ZDHHC13: variants seen among roughly 807,000 people sequenced by gnomAD.
ZDHHC13 encodes the protein zDHHC palmitoyltransferase 13.
A neutral mutation model predicts 86.0 loss-of-function variants in ZDHHC13; 85 were observed. That is an observed-to-expected ratio of 0.99 (90% CI 0.83 to 1.18). The LOEUF (loss-of-function observed/expected upper bound fraction) is 1.18. Ranked by LOEUF, ZDHHC13 falls within the 50% of genes most tolerant of loss-of-function variation. The probability of loss-of-function intolerance (pLI) is 0.00; values close to 1 mark genes in which losing one functional copy is unlikely to be tolerated. For missense variants in ZDHHC13, 711 were observed against 730.2 expected (o/e 0.97, Z 0.30); for synonymous variants, 263 against 246.4 (o/e 1.07, Z -0.63).
rs768384380 is a variant in ZDHHC13, at chr11:19,172,716, T to G, written c.1633-7T>G. On this transcript the variant is annotated splice_polypyrimidine_tract_variant and splice_region_variant and intron_variant, in intron 15 of 16. Coordinates refer to ENST00000446113, the MANE Select transcript of ZDHHC13 (RefSeq NM_019028.3). ...AATGTGTGCAACCTTCCACCCTTCT[T>G]TTTCAGATTGCCTTTCTGGGCCTGA... 3 of 1,585,986 alleles carry G rather than the reference T, an allele frequency of 1.9e-6. No individual in the cohort carries two copies. The South Asian group carries it at 3.5e-5, about 18-fold the overall frequency.
Position 19,145,809 on chromosome 11 carries a change from A to T in ZDHHC13, c.174-372A>T, listed in dbSNP as rs373738972. Among the ~76,000 whole-genome samples the T allele has an allele frequency of 1.1e-4, 16 of 152,238 alleles. No homozygotes were observed. In the East Asian group the frequency reaches 2.3e-3, roughly 22 times the overall value. Reference sequence around the variant, plus strand: ...AGTTTGCTTTTAGTCTTTATCCCTTATTGTGAGATTATTGCATGGGCTTGG... The same window carrying T: ...AGTTTGCTTTTAGTCTTTATCCCTTTTTGTGAGATTATTGCATGGGCTTGG... On this transcript the variant is annotated intron_variant, in intron 2 of 16. Transcript: ENST00000446113.
At chr11:19,175,718 C>T in intron 16 of ZDHHC13, 104 bp from the exon 17 acceptor site, 1 of 1,371,902 alleles carries the variant, frequency 7.3e-7, no homozygotes, top group East Asian at 2.5e-5. Flanking sequence ...TGGATTTCTG[C>T]AAGATGTTCA....
At chr11:19,168,909 A>G (rs1035794477) in intron 14 of ZDHHC13, 8 of 985,016 alleles carry the variant, frequency 8.1e-6, no homozygotes, top group African/African-American at 7.0e-5. Context: ...GATTACCATC[A>G]GGAAGAACTC....
chr11:19,121,217 A>C (rs1848752545), intron 1 of ZDHHC13, among the ~76,000 whole-genome samples: 1 of 152,210 alleles, frequency 6.6e-6, no homozygotes, highest in South Asian at 2.1e-4. Flanking sequence ...AGGGCTCCTG[A>C]TGCAGTGCAT....
chr11:19,126,432 G>A (rs1848879156), intron 1 of ZDHHC13, among the ~76,000 whole-genome samples: 1 of 147,400 alleles, frequency 6.8e-6, no homozygotes, highest in Non-Finnish European at 1.5e-5. Context: ...TGCCTCCCAG[G>A]TTCAAGTGAT....
Position 19,164,381 on chromosome 11 carries a change from A to T in ZDHHC13, c.1296+18A>T. ...CATGTCTTGTGAGTTTTTTCATATA[A>T]TTTTTTTCCGTAGTGAAAGCAAAGT... On this transcript the variant is annotated intron_variant, in intron 12 of 16. Coordinates refer to ENST00000446113, the MANE Select transcript of ZDHHC13 (RefSeq NM_019028.3). The T allele has an allele frequency of 1.4e-5, 22 of 1,609,870 alleles. No homozygotes were observed. The highest frequency in any genetic ancestry group is 1.7e-5 in the Non-Finnish European group (20 of 1,177,810).
chr11:19,163,361 C>G lies in ZDHHC13; in HGVS notation c.1167C>G (p.Tyr389Ter), dbSNP rs372122735. 5.6e-6 allele frequency: 9 copies of G among 1,608,068 alleles called. No homozygotes were observed. The highest frequency in any genetic ancestry group is 7.6e-6 in the Non-Finnish European group (9 of 1,177,298). Residue 389 changes from tyrosine to a stop codon, truncating the protein, a stop_gained, in exon 11 of 17, where the codon TAC (tyrosine) becomes TAG (stop). Transcript: ENST00000446113. LOFTEE classifies it high-confidence loss of function. ...TTTTCAGCATAGTAGCCTTTCTATA[C>G]TTTTTCTATAAGACTTGGGCAACTG... ...SFIFSIVAFL[Y>*]FFYKTWATDP...
chr11:19,172,126 G>C (rs1156591005), intron 15 of ZDHHC13, among the ~76,000 whole-genome samples: 2 of 152,162 alleles, frequency 1.3e-5, no homozygotes, highest in African/African-American at 4.8e-5. Flanking sequence ...ATGCTGGAGT[G>C]CAGTGGCGGG....
intron 14 of ZDHHC13, chr11:19,166,805 A>G (rs1287349214): frequency 6.5e-6 from 1 of 154,512 alleles, no homozygotes; most frequent in African/African-American, 2.4e-5. Flanking sequence ...AGCCCATGCC[A>G]TTTGGTAAGT....
intron 1 of ZDHHC13, among the ~76,000 whole-genome samples, chr11:19,135,632 A>G (rs946375913): frequency 8.2e-4 from 125 of 152,322 alleles, no homozygotes; most frequent in African/African-American, 2.7e-3. Flanking sequence ...GCACAGACAA[A>G]CAAAAAGACA....
At chr11:19,173,252 C>T (rs907394478) in intron 16 of ZDHHC13, among the ~76,000 whole-genome samples, 4 of 152,230 alleles carry the variant, frequency 2.6e-5, no homozygotes, top group Non-Finnish European at 1.5e-5. Flanking sequence ...ACTAATTCTT[C>T]TAGCCCTATG....
At chr11:19,169,081 A>G (rs1055320213) in intron 14 of ZDHHC13, 24 of 985,484 alleles carry the variant, frequency 2.4e-5, no homozygotes, top group Middle Eastern at 5.2e-4. Context: ...TATCTTTGAT[A>G]TTAAATCTGA....
Position 19,152,154 on chromosome 11 carries a change from A to G in ZDHHC13, c.585-4A>G, listed in dbSNP as rs1291930796. 3 of 1,609,462 alleles carry G rather than the reference A, an allele frequency of 1.9e-6. No homozygotes were observed. The highest frequency in any genetic ancestry group is 2.5e-6 in the Non-Finnish European group (3 of 1,177,454). On this transcript the variant is annotated splice_region_variant and splice_polypyrimidine_tract_variant and intron_variant, in intron 6 of 16. Transcript: ENST00000446113. ...CCTCTTGGTATTTTATTATTTTGAG[A>G]CAGGCCAGAACCAACTGGATTTCTT...
chr11:19,174,685 A>G (rs1850312462), intron 16 of ZDHHC13, among the ~76,000 whole-genome samples: 1 of 152,388 alleles, frequency 6.6e-6, no homozygotes, highest in Non-Finnish European at 1.5e-5. Context: ...AATGATGCCT[A>G]AGACAGTGCA....
At chr11:19,146,102 G>A (rs1486713617) in intron 2 of ZDHHC13, 79 bp from the exon 3 acceptor site, 33 of 1,398,854 alleles carry the variant, frequency 2.4e-5, no homozygotes, top group African/African-American at 2.3e-4. Flanking sequence ...ATAGTGAAAA[G>A]ATATAGTAAA....
At position 19,117,277 on chromosome 11, in the gene ZDHHC13, G is replaced by A; in HGVS notation, c.27+1G>A. The A allele has an allele frequency of 6.1e-6, 9 of 1,483,524 alleles. No individual in the cohort carries two copies. Among genetic ancestry groups the A allele is most frequent in the Non-Finnish European group, 8.1e-6 (9 of 1,116,514 alleles). 91.9% of individuals were successfully genotyped at this position (1,483,524 alleles called of 1,614,324 possible). On this transcript the variant is annotated splice_donor_variant, in intron 1 of 16. Transcript: ENST00000446113. LOFTEE classifies it high-confidence loss of function. This position sits in a 1 kb window ranked among gnomAD's most constrained non-coding sequence, Gnocchi z 4.2. Reference sequence around the variant, plus strand: ...GGAGGGGCCGGGGCTGGGCTCGCAGGTGAGTGCGGCCGGGCGGTGGCTGTC... The same window carrying A: ...GGAGGGGCCGGGGCTGGGCTCGCAGATGAGTGCGGCCGGGCGGTGGCTGTC...
intron 1 of ZDHHC13, among the ~76,000 whole-genome samples, chr11:19,126,518 T>TC (rs1848882294): frequency 6.9e-6 from 1 of 145,702 alleles, no homozygotes; most frequent in African/African-American, 2.5e-5. Context: ...TTTTTTTTTT[T>TC]TTTTTTTTTT....
intron 16 of ZDHHC13, 114 bp downstream of exon 16, chr11:19,172,934 T>A: frequency 2.3e-6 from 2 of 877,726 alleles, no homozygotes; most frequent in South Asian, 2.0e-5. Flanking sequence ...TGCCATCTAG[T>A]ACAGTTGACC....
rs550476849 is a variant in ZDHHC13, at chr11:19,169,304, TAG to T, written c.1475-1100_1475-1099del. ...TCTTTGCCATCCTAATGAGATGCTCTAGAGAGAGTGTAATTTGCCTTAACTTG... is the reference window on the plus strand; with the variant it reads ...TCTTTGCCATCCTAATGAGATGCTCTAGAGAGTGTAATTTGCCTTAACTTG... On this transcript the variant is annotated intron_variant, in intron 14 of 16. Transcript: ENST00000446113. 3.6e-4 allele frequency: 353 copies of T among 985,482 alleles called. No homozygotes were observed. In the African/African-American group the frequency reaches 5.7e-3, roughly 16 times the overall value. 61.0% of individuals were successfully genotyped at this position (985,482 alleles called of 1,614,324 possible). A position where few individuals can be genotyped will look rare whatever the true frequency, so the allele number is the denominator to read the frequency against.
Sources: allele counts gnomAD v4.1 joint callset (sites outside exome capture counted in the v4.1 genomes callset), GRCh38; gene constraint gnomAD v4.1.1; non-coding constraint Gnocchi (gnomAD v3.1); transcripts MANE v1.5; gene names NCBI Gene and HGNC (gene_info 2026-07-23, HGNC 2026-07-21).